MICAL2: variants seen among roughly 807,000 people sequenced by gnomAD.
MICAL2 encodes microtubule associated monooxygenase, calponin and LIM domain containing 2.
Under a neutral mutation model 127.3 loss-of-function variants are expected in MICAL2, and 77 were observed. The ratio of observed to expected loss-of-function variants is 0.60; its 90% CI spans 0.50 to 0.73. The LOEUF is 0.73. Ranked by LOEUF, MICAL2 falls within the 30% of genes least tolerant of loss-of-function variation. MICAL2 has a pLI of 0.00. For missense variants in MICAL2, 1,351 were observed against 1,434.4 expected, an observed-to-expected ratio of 0.94 and a Z score of 0.94; for synonymous variants, 570 against 551.1, an observed-to-expected ratio of 1.03 and a Z score of -0.48.
At chr11:12,356,532 C>G (rs931583312) in intron 34 of MICAL2, among the ~76,000 whole-genome samples, 1 of 152,142 alleles carries the variant, frequency 6.6e-6, no homozygotes, top group Non-Finnish European at 1.5e-5. Flanking sequence ...CATCCCCCAT[C>G]ATTGGGCTGC....
chr11:12,170,485 A>G (rs1856109959), intron 3 of MICAL2, among the ~76,000 whole-genome samples: 1 of 152,236 alleles, frequency 6.6e-6, no homozygotes, highest in Admixed American at 6.5e-5. Flanking sequence ...TGTATCAGTA[A>G]AAGTGAATGT....
At chr11:12,185,055 A>G (rs573615521) in intron 3 of MICAL2, among the ~76,000 whole-genome samples, 1 of 59,598 alleles carries the variant, frequency 1.7e-5, no homozygotes, top group South Asian at 6.9e-4. Flanking sequence ...CTAGAATAGC[A>G]GTTAGCTTTC....
At chr11:12,269,516 C>T (rs1863650560) in intron 24 of MICAL2, among the ~76,000 whole-genome samples, 1 of 152,206 alleles carries the variant, frequency 6.6e-6, no homozygotes, top group Non-Finnish European at 1.5e-5. Flanking sequence ...CCACCCCTCA[C>T]CTGAATGGAG....
Position 12,162,397 on chromosome 11 carries a change from G to A in MICAL2, c.242G>A (p.Gly81Glu). 1 of 1,614,246 alleles carries A rather than the reference G, an allele frequency of 6.2e-7. No individual in the cohort carries two copies. The highest frequency in any genetic ancestry group is 1.1e-5 in the South Asian group (1 of 91,090). The change falls in exon 3 of 28, where the codon GGG (glycine) becomes GAG (glutamate). Residue 81 changes from glycine (G) to glutamate (E), a missense_variant. Physicochemically the swap from Gly to Glu is moderately conservative, Grantham distance 98. Around this residue, in one of 2 missense-constraint regions of MICAL2, gnomAD observed 599 missense variants for 714.9 expected, o/e 0.84. Transcript: ENST00000683283. ...KRGSHKEYKRGKSCTNTKCLI... is the reference protein window; with the variant it reads ...KRGSHKEYKREKSCTNTKCLI... ...GGTTCCCACAAAGAGTATAAGCGAG[G>A]GAAGTCGTGCACGAACACCAAGGTA...
At chr11:12,260,149 T>G in intron 26 of MICAL2, 3 of 1,526,880 alleles carry the variant, frequency 2.0e-6, no homozygotes, top group Non-Finnish European at 2.6e-6. Context: ...GGTGCTCAGG[T>G]GCTTCCCAGT....
chr11:12,255,520 G>A (rs774081494), intron 22 of MICAL2, 123 bp from the exon 23 acceptor site: 54 of 785,758 alleles, frequency 6.9e-5, no homozygotes, highest in Admixed American at 2.3e-4. Flanking sequence ...CTCCTGGGTC[G>A]TGGGGTGCTA....
intron 29 of MICAL2, among the ~76,000 whole-genome samples, chr11:12,305,036 T>C (rs1456955749): frequency 6.6e-6 from 1 of 152,178 alleles, no homozygotes. Flanking sequence ...AATACAGTAG[T>C]GTCCCCCTTA....
chr11:12,127,576 G>A (rs1851049066), intron 1 of MICAL2, among the ~76,000 whole-genome samples: 1 of 152,144 alleles, frequency 6.6e-6, no homozygotes, highest in African/African-American at 2.4e-5. Context: ...TAAACAGAGT[G>A]GTTAGAGAAG....
chr11:12,311,239 G>A (rs986704726), intron 29 of MICAL2, among the ~76,000 whole-genome samples: 46 of 151,910 alleles, frequency 3.0e-4, no homozygotes, highest in Non-Finnish European at 5.4e-4. Context: ...AATCATTATT[G>A]TGTTCCTGAA....
In MICAL2 at chr11:12,162,380, C is replaced by A. The variant is rs1212364149; in HGVS notation, c.225C>A (p.His75Gln). 3 of 1,614,130 alleles carry A rather than the reference C, an allele frequency of 1.9e-6. No individual in the cohort carries two copies. Among genetic ancestry groups the A allele is most frequent in the Non-Finnish European group, 2.5e-6 (3 of 1,180,060 alleles). Reference sequence around the variant, plus strand: ...ACAAATTGGATAAGCGTGGTTCCCACAAAGAGTATAAGCGAGGGAAGTCGT... The same window carrying A: ...ACAAATTGGATAAGCGTGGTTCCCAAAAAGAGTATAAGCGAGGGAAGTCGT... ...LWYKLDKRGS[H>Q]KEYKRGKSCT... Residue 75 changes from histidine (H) to glutamine (Q), a missense_variant, in exon 3 of 28, where the codon CAC becomes CAA. Around this residue, in one of 2 missense-constraint regions of MICAL2, gnomAD observed 599 missense variants for 714.9 expected, o/e 0.84. Coordinates refer to ENST00000683283, the MANE Select transcript of MICAL2 (RefSeq NM_001282663.2).
chr11:12,264,436 A>G (rs144889771), downstream of MICAL2, among the ~76,000 whole-genome samples: 1 of 152,182 alleles, frequency 6.6e-6, no homozygotes, highest in African/African-American at 2.4e-5. Context: ...GCCCCAGGCA[A>G]CTCCAGGCTG....
intron 34 of MICAL2, among the ~76,000 whole-genome samples, chr11:12,357,471 A>G (rs1046313035): frequency 2.6e-5 from 4 of 152,202 alleles, no homozygotes; most frequent in Non-Finnish European, 5.9e-5. Context: ...ACACCTTCCT[A>G]TCAGACAGTT....
chr11:12,170,837 G>A (rs938835083), intron 3 of MICAL2, among the ~76,000 whole-genome samples: 6 of 152,110 alleles, frequency 3.9e-5, no homozygotes, highest in Non-Finnish European at 7.4e-5. Flanking sequence ...CTCTTTTGAC[G>A]GTGAGCTCCC....
At chr11:12,260,946 T>C (rs1043105774) in intron 26 of MICAL2, 124 of 985,476 alleles carry the variant, frequency 1.3e-4, no homozygotes, top group East Asian at 2.3e-4. Context: ...GGAAAGCCCA[T>C]TGGCATTTGA....
chr11:12,206,656 T>C (rs1480833563), intron 4 of MICAL2, among the ~76,000 whole-genome samples: 1 of 152,160 alleles, frequency 6.6e-6, no homozygotes, highest in Non-Finnish European at 1.5e-5. Flanking sequence ...CTGTGTTAAC[T>C]TCCTCCTCCA....
intron 3 of MICAL2, among the ~76,000 whole-genome samples, chr11:12,167,323 C>G (rs1565080920): frequency 6.6e-6 from 1 of 152,172 alleles, no homozygotes; most frequent in Admixed American, 6.5e-5. Context: ...GAGTATGCAG[C>G]AGGGTCACCA....
chr11:12,358,209 T>C, intron 34 of MICAL2: 1 of 1,325,274 alleles, frequency 7.5e-7, no homozygotes, highest in Non-Finnish European at 1.0e-6. Flanking sequence ...GCAGAACAAG[T>C]CCATAACAAT....
intron 1 of MICAL2, among the ~76,000 whole-genome samples, chr11:12,111,846 TC>T (rs1849631811): frequency 6.6e-6 from 1 of 152,062 alleles, no homozygotes; most frequent in Non-Finnish European, 1.5e-5. Flanking sequence ...TCTGTCCTGC[TC>T]CCCCTCCCCA....
At chr11:12,225,710 A>G (rs1455436440) in intron 13 of MICAL2, 2 of 163,706 alleles carry the variant, frequency 1.2e-5, no homozygotes, top group African/African-American at 4.8e-5. Context: ...CTGGTCTCGA[A>G]CTGAGCTCAA....
Sources: gnomAD v4.1 joint callset for allele counts (sites outside exome capture counted in the v4.1 genomes callset) on GRCh38, gnomAD v4.1.1 for gene constraint, gnomAD v4.1.1 regional missense constraint, MANE v1.5 for transcripts, NCBI Gene and HGNC (gene_info 2026-07-23, HGNC 2026-07-21) for gene names.